The following CFAP47 variants were observed in gnomAD, a reference collection of about 807,000 sequenced individuals.
The protein encoded by CFAP47 is cilia- and flagella-associated protein 47.
In CFAP47, 29 loss-of-function variants were observed where a neutral mutation model predicts 148.1. The observed-to-expected ratio is 0.20, with a 90% CI of 0.15 to 0.27. The LOEUF (loss-of-function observed/expected upper bound fraction) is 0.27. CFAP47 is among the 10% of genes least tolerant of loss of function. The pLI is 1.00. For missense variants in CFAP47, 1,872 were observed against 1,697.5 expected (o/e 1.10, Z -1.81); for synonymous variants, 664 against 577.3 (o/e 1.15, Z -2.15).
intron 26 of CFAP47, among the ~76,000 whole-genome samples, chrX:36,059,918 T>G (rs1447618735): frequency 2.7e-5 from 3 of 111,192 alleles, no homozygotes; most frequent in Non-Finnish European, 3.8e-5. Flanking sequence ...GTACCCAGGA[T>G]AGTTCCCATG....
At chrX:36,299,660 T>C (rs1297667295) in intron 52 of CFAP47, among the ~76,000 whole-genome samples, 2 of 111,813 alleles carry the variant, frequency 1.8e-5, no homozygotes, top group Non-Finnish European at 3.8e-5. Flanking sequence ...CCAAAGTTTG[T>C]GTCCCCTCCA....
chrX:36,057,664 A>G (rs1222250584), intron 26 of CFAP47, among the ~76,000 whole-genome samples: 2 of 111,580 alleles, frequency 1.8e-5, no homozygotes, highest in Non-Finnish European at 3.8e-5. Flanking sequence ...ATGCAAATTC[A>G]TTATGTTTTA....
intron 61 of CFAP47, among the ~76,000 whole-genome samples, chrX:36,362,728 G>A (rs782678133): frequency 9.0e-6 from 1 of 111,656 alleles, no homozygotes; most frequent in East Asian, 2.8e-4. Flanking sequence ...AATTTCTAAA[G>A]TTCAACCTTG....
intron 45 of CFAP47, among the ~76,000 whole-genome samples, chrX:36,213,840 A>G (rs1346495240): frequency 8.9e-6 from 1 of 112,283 alleles, no homozygotes; most frequent in East Asian, 2.8e-4. Context: ...TTAAGCAATA[A>G]TTAAATACGA....
At chrX:36,062,079 G>A (rs1164829133) in intron 26 of CFAP47, among the ~76,000 whole-genome samples, 1 of 111,471 alleles carries the variant, frequency 9.0e-6, no homozygotes, top group Non-Finnish European at 1.9e-5. Flanking sequence ...AGACTAGAGA[G>A]ACATGTTTCT....
intron 51 of CFAP47, among the ~76,000 whole-genome samples, chrX:36,289,284 G>A (rs1296662906): frequency 1.8e-5 from 2 of 110,314 alleles, no homozygotes; most frequent in East Asian, 2.8e-4. Context: ...GATTACAAGC[G>A]TGAGCCACCG....
At chrX:36,341,980 C>T (rs1569321752) in intron 57 of CFAP47, among the ~76,000 whole-genome samples, 1 of 109,987 alleles carries the variant, frequency 9.1e-6, no homozygotes. Context: ...TATATAGTGA[C>T]TGTATGGAAA....
intron 26 of CFAP47, among the ~76,000 whole-genome samples, chrX:36,059,348 C>A (rs2146747186): frequency 9.0e-6 from 1 of 111,517 alleles, no homozygotes; most frequent in South Asian, 3.8e-4. Flanking sequence ...GACTTCATAT[C>A]ATCATGTCGG....
At chrX:35,963,791 A>G (rs1233239639) in intron 8 of CFAP47, among the ~76,000 whole-genome samples, 1 of 111,610 alleles carries the variant, frequency 9.0e-6, no homozygotes, top group African/African-American at 3.2e-5. Flanking sequence ...CATCTTTAAC[A>G]TAAAACAGTC....
Position 36,144,547 on chromosome X carries a change from C to T in CFAP47, c.5536-672C>T, listed in dbSNP as rs5973599. The T allele has an allele frequency of 7.0e-6, 7 of 1,003,147 alleles. No individual in the cohort carries two copies. In the South Asian group the frequency reaches 7.7e-5, roughly 11 times the overall value. The allele number at this position is 1,003,147 out of a possible 1,213,427, so 82.7% of individuals were successfully genotyped here. A position where few individuals can be genotyped will look rare whatever the true frequency, so the allele number is the denominator to read the frequency against. On this transcript the variant is annotated intron_variant, in intron 35 of 63. Transcript: ENST00000378653. ...TGAAGGATGCCAAGATGACTGGCAA[C>T]GTTTTGTTTCTAGGTGTGTCTGAGG...
intron 2 of CFAP47, among the ~76,000 whole-genome samples, chrX:35,939,228 G>A (rs1475831581): frequency 9.1e-6 from 1 of 110,446 alleles, no homozygotes; most frequent in Non-Finnish European, 1.9e-5. Context: ...GCCTTGTTGT[G>A]TTTGTCATTC....
chrX:35,968,935 T>TTTTTTTTTTTTTTGAGACGGAGTCTCGC (rs1936449800), intron 10 of CFAP47, among the ~76,000 whole-genome samples: 1 of 110,312 alleles, frequency 9.1e-6, no homozygotes, highest in African/African-American at 3.3e-5. Context: ...ATGTACTTTT[T>TTTTTTTTTTTTTTGAGACGGAGTCTCGC]TCAACTCTTT....
At chrX:35,985,133 A>G (rs971947655) in intron 15 of CFAP47, among the ~76,000 whole-genome samples, 4 of 111,296 alleles carry the variant, frequency 3.6e-5, no homozygotes, top group Admixed American at 1.9e-4. Context: ...TGTTTTGGGT[A>G]CATATACAAA....
At chrX:36,122,093 T>A (rs1419356871) in intron 33 of CFAP47, among the ~76,000 whole-genome samples, 5 of 111,297 alleles carry the variant, frequency 4.5e-5, no homozygotes, top group African/African-American at 1.6e-4. Context: ...TCTTCCTTTT[T>A]CCCTTTATTA....
chrX:36,286,891 G>A (rs1941139017), intron 51 of CFAP47, among the ~76,000 whole-genome samples: 5 of 110,994 alleles, frequency 4.5e-5, no homozygotes, highest in Admixed American at 1.9e-4. Context: ...ATTATAGATG[G>A]TCAATTGTTG....
chrX:36,037,764 C>T (rs1358392905), intron 24 of CFAP47, among the ~76,000 whole-genome samples: 1 of 110,977 alleles, frequency 9.0e-6, no homozygotes, highest in Non-Finnish European at 1.9e-5. Flanking sequence ...TTAAAACCTT[C>T]CCTAACTCTG....
At chrX:36,279,384 A>G (rs1941053849) in intron 49 of CFAP47, among the ~76,000 whole-genome samples, 1 of 112,323 alleles carries the variant, frequency 8.9e-6, no homozygotes, top group Non-Finnish European at 1.9e-5. Context: ...TCTCAAGTAA[A>G]AACTAAGAAA....
rs1941961205 is a variant in CFAP47 at position 36,371,836 on chromosome X, GTATATGTGTGTA to G, written c.9185+4720_9185+4731del. ...TATGTGTGCATATACACACATGTGT[GTATATGTGTGTA>G]TATATGTGTGCATATACACACATGT... On this transcript the variant is annotated intron_variant, in intron 62 of 63. Coordinates refer to ENST00000378653, the MANE Select transcript of CFAP47 (RefSeq NM_001304548.2). Among the ~76,000 whole-genome samples, 5 of 55,426 alleles carry G rather than the reference GTATATGTGTGTA, an allele frequency of 9.0e-5. 1 individual carries two copies. The highest frequency in any genetic ancestry group is 7.4e-4 in the African/African-American group (5 of 6,722). 48.1% of individuals were successfully genotyped at this position (55,426 alleles called of 115,157 possible).
At chrX:36,011,793 A>G (rs752313939) in intron 21 of CFAP47, among the ~76,000 whole-genome samples, 2 of 111,849 alleles carry the variant, frequency 1.8e-5, no homozygotes, top group South Asian at 3.7e-4. Context: ...TTTCTCCCAT[A>G]TTGTAGGTTG....
Sources: gnomAD v4.1 joint callset for allele counts (sites outside exome capture counted in the v4.1 genomes callset) on GRCh38, gnomAD v4.1.1 for gene constraint, MANE v1.5 for transcripts, NCBI Gene and HGNC (gene_info 2026-07-23, HGNC 2026-07-21) for gene names.